Variants in SACS observed in about 807,000 individuals in gnomAD.
SACS encodes the protein sacsin.
In SACS, 197 loss-of-function variants were observed where a neutral mutation model predicts 348.0. That is an observed-to-expected ratio of 0.57 (90% CI 0.50 to 0.64). The LOEUF (loss-of-function observed/expected upper bound fraction) is 0.64, where lower values mean the gene tolerates loss of function less well. Among genes scored for constraint, SACS ranks in the 30% least tolerant of loss-of-function variants. SACS has a pLI of 0.00. For missense variants in SACS, 4,999 were observed against 5,360.8 expected, an observed-to-expected ratio of 0.93 and a Z score of 2.11; for synonymous variants, 1,985 against 1,910.6, an observed-to-expected ratio of 1.04 and a Z score of -1.02.
intron 6 of SACS, among the ~76,000 whole-genome samples, chr13:23,361,803 A>C (rs781363988): frequency 6.6e-6 from 1 of 151,758 alleles, no homozygotes; most frequent in Non-Finnish European, 1.5e-5. Flanking sequence ...AAAAAAAAGG[A>C]ATAAACATCC....
Position 23,332,768 on chromosome 13 carries a change from G to C in SACS, c.11108C>G (p.Ser3703Cys). The C allele has an allele frequency of 6.2e-7, 1 of 1,613,942 alleles. No homozygotes were observed. The highest frequency in any genetic ancestry group is 8.5e-7 in the Non-Finnish European group (1 of 1,179,932). The change falls in exon 10 of 10, where the codon TCC (serine) becomes TGC (cysteine). Residue 3703 changes from serine (S) to cysteine (C), a missense_variant. By Grantham distance (112) the Ser-to-Cys change is moderately radical (BLOSUM62 -1). Transcript: ENST00000382292. The part of the protein sequence containing the change: ...QCDVLQLLWT[S>C]CPILPEKATP... ...AGCTTTCTCTGGAAGAATAGGGCAGGATGTCCATAACAGCTGGAGTACATC... is the reference window on the plus strand; with the variant it reads ...AGCTTTCTCTGGAAGAATAGGGCAGCATGTCCATAACAGCTGGAGTACATC...
At chr13:23,358,258 T>C (rs1381345606) in intron 7 of SACS, 77 bp downstream of exon 7, 5 of 1,498,164 alleles carry the variant, frequency 3.3e-6, no homozygotes, top group South Asian at 1.1e-5. Flanking sequence ...GTATCACCTC[T>C]GAAGTTAACC....
rs1401915580 is a variant in SACS, at chr13:23,329,533, C to T, written c.*603G>A. 2 of 676,488 alleles carry T rather than the reference C, an allele frequency of 3.0e-6. No homozygotes were observed. Among genetic ancestry groups the T allele is most frequent in the African/African-American group, 3.7e-5 (2 of 54,344 alleles). 41.9% of individuals were successfully genotyped at this position (676,488 alleles called of 1,614,324 possible). A position where few individuals can be genotyped will look rare whatever the true frequency, so the allele number is the denominator to read the frequency against. ...AAAATTTAAATAAAGATGTAAAGTG[C>T]ACTCAGTGCACTCTAAAAAGTACTA... is the stretch of plus-strand genomic sequence containing the variant. On this transcript the variant is annotated 3_prime_UTR_variant, in exon 10 of 10. Coordinates refer to ENST00000382292, the MANE Select transcript of SACS (RefSeq NM_014363.6).
chr13:23,396,015 A>G (rs1240799514), intron 2 of SACS, among the ~76,000 whole-genome samples: 1 of 152,174 alleles, frequency 6.6e-6, no homozygotes, highest in Non-Finnish European at 1.5e-5. Context: ...ATTGGCTTAG[A>G]GATAAATCAG....
rs1339493976 is a variant in SACS at position 23,355,105 on chromosome 13, T to C, written c.1507A>G (p.Lys503Glu). 1 of 1,614,194 alleles carries C rather than the reference T, an allele frequency of 6.2e-7. No homozygotes were observed. ...NEFLVMNVVP[K>E]AYATLILDSI... is the part of the protein sequence containing the mutation. ...TCTAAGATCAGAGTAGCATAAGCTTTGGGGACAACATTCATGACAAGAAAC... is the reference window on the plus strand; with the variant it reads ...TCTAAGATCAGAGTAGCATAAGCTTCGGGGACAACATTCATGACAAGAAAC... The change falls in exon 8 of 10, where the codon AAA becomes GAA. Residue 503 changes from lysine (K) to glutamate (E), a missense_variant. Physicochemically the swap from Lys to Glu is moderately conservative, Grantham distance 56. This residue lies in a region of SACS where 3,156 missense variants were observed against 3,380.1 expected (regional missense o/e 0.93). Coordinates refer to ENST00000382292, the MANE Select transcript of SACS (RefSeq NM_014363.6).
intron 1 of SACS, among the ~76,000 whole-genome samples, chr13:23,415,043 A>AT (rs1873643992): frequency 6.6e-6 from 1 of 150,478 alleles, no homozygotes; most frequent in South Asian, 2.1e-4. Flanking sequence ...TCTTTTTTTT[A>AT]TTTTTTGAGA....
chr13:23,393,916 G>A (rs1033722058), intron 2 of SACS, among the ~76,000 whole-genome samples: 7 of 151,948 alleles, frequency 4.6e-5, no homozygotes, highest in African/African-American at 1.2e-4. Context: ...GCCTGCCACC[G>A]CGCCCGGCTA....
chr13:23,363,972 C>T (rs1366105468), intron 6 of SACS, among the ~76,000 whole-genome samples: 2 of 152,084 alleles, frequency 1.3e-5, no homozygotes, highest in Admixed American at 1.3e-4. Flanking sequence ...CAGGCTAATC[C>T]TCTTATTATA....
At chr13:23,395,932 G>A (rs900243273) in intron 2 of SACS, among the ~76,000 whole-genome samples, 1 of 152,134 alleles carries the variant, frequency 6.6e-6, no homozygotes, top group Admixed American at 6.6e-5. Context: ...TGTTATGTGT[G>A]TATGGTATTT....
chr13:23,337,980 C>T lies in SACS; in HGVS notation c.5896G>A (p.Asp1966Asn), dbSNP rs763841265. Reference protein sequence around the residue: ...FSVICQGFYEDIAHGKGKELT... With the variant: ...FSVICQGFYENIAHGKGKELT... Reference sequence around the variant, plus strand: ...TCTTTCCCTTTTCCATGAGCTATATCTTCATAAAATCCTTGGCAAATTACA... The same window carrying T: ...TCTTTCCCTTTTCCATGAGCTATATTTTCATAAAATCCTTGGCAAATTACA... Residue 1966 changes from aspartate to asparagine, a missense_variant, in exon 10 of 10, where the codon GAT becomes AAT. Coordinates refer to ENST00000382292, the MANE Select transcript of SACS (RefSeq NM_014363.6). 2.5e-6 allele frequency: 4 copies of T among 1,613,960 alleles called. No homozygotes were observed. In the Admixed American group the frequency reaches 6.7e-5, roughly 27 times the overall value.
rs1883656984 is a variant in SACS at position 23,333,928 on chromosome 13, C to G, written c.9948G>C (p.Gln3316His). ...LMHIAVFPNA[Q>H]SDKVFHALMK... ...TTAGAGCATGAAAAACTTTATCACT[C>G]TGGGCATTTGGAAAAACTGCAATGT... is the stretch of plus-strand genomic sequence containing the variant. The change falls in exon 10 of 10, where the codon CAG (glutamine) becomes CAC (histidine). Residue 3316 changes from glutamine (Q) to histidine (H), a missense_variant. Gln to His is a conservative substitution (Grantham distance 24, BLOSUM62 0). Around this residue, in one of 6 missense-constraint regions of SACS, gnomAD observed 734 missense variants for 694.0 expected, o/e 1.06. Transcript: ENST00000382292. The G allele has an allele frequency of 6.2e-7, 1 of 1,613,818 alleles. No individual in the cohort carries two copies. The highest frequency in any genetic ancestry group is 8.5e-7 in the Non-Finnish European group (1 of 1,179,824).
chr13:23,353,392 G>C (rs763628522), intron 9 of SACS, among the ~76,000 whole-genome samples: 3 of 152,174 alleles, frequency 2.0e-5, no homozygotes, highest in Non-Finnish European at 4.4e-5. Flanking sequence ...CACTTGGCTG[G>C]TGGTCTTGAT....
At chr13:23,400,506 C>T (rs942560414) in intron 2 of SACS, among the ~76,000 whole-genome samples, 8 of 152,078 alleles carry the variant, frequency 5.3e-5, no homozygotes, top group African/African-American at 1.2e-4. Flanking sequence ...CTGCAAGCTC[C>T]GCCTCCTGGG....
intron 5 of SACS, 37 bp from the exon 6 acceptor site, chr13:23,365,314 A>G (rs771222610): frequency 4.5e-5 from 52 of 1,166,308 alleles, no homozygotes; most frequent in Non-Finnish European, 6.3e-5. Context: ...GTAATTAATA[A>G]CACAGTAATC....
chr13:23,354,748 GTGT>G lies in SACS; in HGVS notation c.1861_1863del (p.Thr621del). The G allele has an allele frequency of 6.2e-7, 1 of 1,613,898 alleles. No individual in the cohort carries two copies. Among genetic ancestry groups the G allele is most frequent in the Non-Finnish European group, 8.5e-7 (1 of 1,179,838 alleles). On this transcript the variant is annotated inframe_deletion, in exon 8 of 10. Coordinates refer to ENST00000382292, the MANE Select transcript of SACS (RefSeq NM_014363.6). The stretch of plus-strand genomic sequence containing the variant: ...CACGCGGGCGTCACCTTCCTCACAG[GTGT>G]TGTGCCAGAGGCAGCTGTGAGCTGA...
Position 23,338,850 on chromosome 13 carries a change from A to G in SACS, c.5026T>C (p.Phe1676Leu), listed in dbSNP as rs751537110. ...ATAAGCCTGTGTCCACAGAGACTAA[A>G]TTCATCCACAAGAGAATAAATATCT... ...TADIYSLVDE[F>L]SLCGHRLIIF... The change falls in exon 10 of 10, where the codon TTT becomes CTT. Residue 1676 changes from phenylalanine (F) to leucine (L), a missense_variant. Physicochemically the swap from Phe to Leu is conservative, Grantham distance 22. Around this residue, in one of 6 missense-constraint regions of SACS, gnomAD observed 3,156 missense variants for 3,380.1 expected, o/e 0.93. Transcript: ENST00000382292. 6.2e-7 allele frequency: 1 copy of G among 1,613,004 alleles called. No individual in the cohort carries two copies. Among genetic ancestry groups the G allele is most frequent in the Non-Finnish European group, 8.5e-7 (1 of 1,179,902 alleles).
intron 1 of SACS, among the ~76,000 whole-genome samples, chr13:23,413,135 G>A (rs980178850): frequency 6.6e-6 from 1 of 152,138 alleles, no homozygotes; most frequent in Non-Finnish European, 1.5e-5. Context: ...GCACCACCAC[G>A]CCCAGCTAAT....
In SACS at chr13:23,353,825, A is replaced by C. The variant is rs1870132046; in HGVS notation, c.2145T>G (p.Pro715=). Residue 715 remains proline (P), a synonymous_variant, in exon 9 of 10, where the codon CCT becomes CCG. Coordinates refer to ENST00000382292, the MANE Select transcript of SACS (RefSeq NM_014363.6). ...EGRFILDNLK[P]HLVAALKEAA... is the part of the protein sequence containing the mutation. Reference sequence around the variant, plus strand: ...CTTCCTTTAAAGCAGCCACAAGGTGAGGTTTCAAGTTATCCAAAATAAATC... The same window carrying C: ...CTTCCTTTAAAGCAGCCACAAGGTGCGGTTTCAAGTTATCCAAAATAAATC... 6.2e-6 allele frequency: 10 copies of C among 1,611,302 alleles called. No individual in the cohort carries two copies. The highest frequency in any genetic ancestry group is 7.6e-6 in the Non-Finnish European group (9 of 1,177,620).
chr13:23,329,706 CAGACT>C lies in SACS; in HGVS notation c.*425_*429del. On this transcript the variant is annotated 3_prime_UTR_variant, in exon 10 of 10. Transcript: ENST00000382292. ...CAAGAGGATCCACTTAAAAAAATGA[CAGACT>C]ACAAAGACTTAATTCCCCTTATGTT... 2.0e-6 allele frequency: 1 copy of C among 507,910 alleles called. No individual in the cohort carries two copies. Among genetic ancestry groups the C allele is most frequent in the South Asian group, 3.2e-5 (1 of 31,382 alleles). The allele number at this position is 507,910 out of a possible 1,614,324, so 31.5% of individuals were successfully genotyped here.
Sources: gnomAD v4.1 joint callset for allele counts (sites outside exome capture counted in the v4.1 genomes callset) on GRCh38, gnomAD v4.1.1 for gene constraint, gnomAD v4.1.1 regional missense constraint, MANE v1.5 for transcripts, NCBI Gene and HGNC (gene_info 2026-07-23, HGNC 2026-07-21) for gene names.